The following PARD3 variants were observed in gnomAD, a reference collection of about 807,000 sequenced individuals.
The protein encoded by PARD3 is par-3 family cell polarity regulator, also known as partitioning defective 3 homolog.
A neutral mutation model predicts 155.4 loss-of-function variants in PARD3; 75 were observed. The observed-to-expected ratio is 0.48, with a 90% confidence interval of 0.40 to 0.58. The LOEUF is 0.58. Among genes scored for constraint, PARD3 ranks in the 20% least tolerant of loss-of-function variants. The pLI, the probability that PARD3 is intolerant of heterozygous loss-of-function variation, is 0.00. For missense variants in PARD3, 1,642 were observed against 1,721.7 expected (o/e 0.95, Z 0.82); for synonymous variants, 576 against 610.5 (o/e 0.94, Z 0.83).
intron 22 of PARD3, among the ~76,000 whole-genome samples, chr10:34,139,808 G>C (rs767110205): frequency 1.3e-5 from 2 of 152,160 alleles, no homozygotes; most frequent in Non-Finnish European, 2.9e-5. Flanking sequence ...TTCTTGAACT[G>C]GGATGACTAA....
intron 15 of PARD3, chr10:34,344,834 TAAAG>T: frequency 1.0e-6 from 1 of 985,412 alleles, no homozygotes; most frequent in Non-Finnish European, 1.2e-6. Context: ...TGACTCATGA[TAAAG>T]AAAAACATGC....
chr10:34,257,902 T>C (rs1234977747), intron 22 of PARD3, among the ~76,000 whole-genome samples: 1 of 152,234 alleles, frequency 6.6e-6, no homozygotes, highest in Non-Finnish European at 1.5e-5. Flanking sequence ...TTAATTTCAT[T>C]GCTGCATCTC....
At chr10:34,617,073 G>C (rs973414702) in intron 2 of PARD3, among the ~76,000 whole-genome samples, 59 of 151,832 alleles carry the variant, frequency 3.9e-4, no homozygotes, top group African/African-American at 1.3e-3. Context: ...GGCCAACAAG[G>C]TGAACCCCAT....
chr10:34,317,446 T>A, intron 19 of PARD3, 108 bp from the exon 20 acceptor site: 1 of 1,153,670 alleles, frequency 8.7e-7, no homozygotes, highest in Non-Finnish European at 1.2e-6. Flanking sequence ...TACTGCAGTA[T>A]GGCCCTGCTA....
intron 21 of PARD3, among the ~76,000 whole-genome samples, chr10:34,280,750 T>C (rs895466160): frequency 6.6e-6 from 1 of 152,246 alleles, no homozygotes; most frequent in East Asian, 1.9e-4. Context: ...CAGAATGTTG[T>C]GGGATGTCAG....
chr10:34,640,861 A>G (rs2092657059), intron 2 of PARD3, among the ~76,000 whole-genome samples: 1 of 151,500 alleles, frequency 6.6e-6, no homozygotes, highest in Admixed American at 6.6e-5. Flanking sequence ...TCACTGCAGT[A>G]TTGTGTTTTA....
At chr10:34,345,516 C>T (rs749562636) in intron 15 of PARD3, 1 of 985,128 alleles carries the variant, frequency 1.0e-6, no homozygotes, top group African/African-American at 1.7e-5. Flanking sequence ...GGAGTGATTC[C>T]AAACATATAG....
chr10:34,560,324 C>A (rs1295126350), intron 2 of PARD3, among the ~76,000 whole-genome samples: 2 of 152,124 alleles, frequency 1.3e-5, no homozygotes, highest in Non-Finnish European at 2.9e-5. Context: ...CCCAAAACAG[C>A]TGTTCAGAAC....
intron 22 of PARD3, among the ~76,000 whole-genome samples, chr10:34,134,399 CAG>C (rs1251535494): frequency 6.6e-6 from 1 of 152,160 alleles, no homozygotes. Context: ...TCATGCAGCA[CAG>C]AGAGTTTTAA....
intron 12 of PARD3, among the ~76,000 whole-genome samples, chr10:34,369,556 T>A (rs1840372470): frequency 2.0e-5 from 3 of 152,204 alleles, no homozygotes; most frequent in Admixed American, 2.0e-4. Context: ...TGCAACGTTA[T>A]AAGCAATGTT....
intron 2 of PARD3, among the ~76,000 whole-genome samples, chr10:34,642,897 C>G (rs1438161786): frequency 6.6e-6 from 1 of 152,138 alleles, no homozygotes; most frequent in African/African-American, 2.4e-5. Flanking sequence ...TCCAGCAGAC[C>G]CCCAGCTCTG....
intron 1 of PARD3, among the ~76,000 whole-genome samples, chr10:34,705,632 T>C (rs550913165): frequency 2.0e-5 from 3 of 152,302 alleles, no homozygotes; most frequent in African/African-American, 4.8e-5. Flanking sequence ...TCAGATGTCA[T>C]AGCTGATGTT....
rs187991243 is a variant in PARD3, at chr10:34,232,331, G to A, written c.3419+37326C>T. ...TGGACCTGGATATGACAGACAGAAA[G>A]GGGAGCTTGAAAAGGTCACAGTAAC... On this transcript the variant is annotated intron_variant, in intron 22 of 24. Coordinates refer to ENST00000374788, the MANE Select transcript of PARD3 (RefSeq NM_001184785.2). Among the ~76,000 whole-genome samples the A allele has an allele frequency of 3.3e-5, 5 of 152,214 alleles. No individual in the cohort carries two copies. In the East Asian group the frequency reaches 9.7e-4, roughly 29 times the overall value.
intron 23 of PARD3, among the ~76,000 whole-genome samples, chr10:34,123,570 T>A (rs1312667994): frequency 6.6e-6 from 1 of 152,050 alleles, no homozygotes; most frequent in East Asian, 1.9e-4. Flanking sequence ...GGACTACAGG[T>A]ATGCACCACC....
At chr10:34,674,173 TGTC>T (rs1397621488) in intron 2 of PARD3, among the ~76,000 whole-genome samples, 1 of 152,204 alleles carries the variant, frequency 6.6e-6, no homozygotes, top group Admixed American at 6.5e-5. Context: ...GAAGTAGCAC[TGTC>T]TATTGTACAA....
intron 2 of PARD3, among the ~76,000 whole-genome samples, chr10:34,604,934 T>C (rs1203292694): frequency 1.3e-5 from 2 of 151,824 alleles, no homozygotes; most frequent in African/African-American, 4.8e-5. Flanking sequence ...CTAAAACCTA[T>C]TAGTCCATTT....
Position 34,111,237 on chromosome 10 carries a change from A to AG in PARD3, c.3993dup (p.Ser1332LeufsTer15), listed in dbSNP as rs750858319. On this transcript the variant is annotated frameshift_variant, in exon 25 of 25. Coordinates refer to ENST00000374788, the MANE Select transcript of PARD3 (RefSeq NM_001184785.2). LOFTEE classifies it high-confidence loss of function. The stretch of plus-strand genomic sequence containing the variant: ...TTCAGCCTCGCAACCTGAGAAGGGG[A>AG]GGGGGGCACATCTTGCCGGAAGGGC... 3 of 1,611,106 alleles carry AG rather than the reference A, an allele frequency of 1.9e-6. No individual in the cohort carries two copies. The highest frequency in any genetic ancestry group is 2.7e-5 in the African/African-American group (2 of 74,950).
At chr10:34,583,233 C>T (rs2087662932) in intron 2 of PARD3, among the ~76,000 whole-genome samples, 1 of 151,952 alleles carries the variant, frequency 6.6e-6, no homozygotes, top group South Asian at 2.1e-4. Context: ...TGGTTTAATG[C>T]CATGAAATTT....
At chr10:34,688,837 G>T (rs999010351) in intron 2 of PARD3, among the ~76,000 whole-genome samples, 1 of 152,092 alleles carries the variant, frequency 6.6e-6, no homozygotes, top group African/African-American at 2.4e-5. Context: ...TTAAAATACT[G>T]CCTCTTCCCC....
Sources: gnomAD v4.1 joint callset for allele counts (sites outside exome capture counted in the v4.1 genomes callset) on GRCh38, gnomAD v4.1.1 for gene constraint, MANE v1.5 for transcripts, NCBI Gene and HGNC (gene_info 2026-07-23, HGNC 2026-07-21) for gene names.